The following PPP3CC variants were observed in gnomAD, a reference collection of about 807,000 sequenced individuals.
PPP3CC encodes the protein protein phosphatase 3 catalytic subunit gamma.
PPP3CC carries 35 observed loss-of-function variants against 60.3 expected under a neutral mutation model. The observed-to-expected ratio is 0.58, with a 90% CI of 0.44 to 0.77. The LOEUF is 0.77. Ranked by LOEUF, PPP3CC falls within the 30% of genes least tolerant of loss-of-function variation. PPP3CC has a pLI of 0.00. For synonymous variants in PPP3CC, 206 were observed against 224.3 expected, an observed-to-expected ratio of 0.92 and a Z score of 0.73; for missense variants, 570 against 628.9, an observed-to-expected ratio of 0.91 and a Z score of 1.00.
At chr8:22,446,165 A>T (rs1267046812) in intron 1 of PPP3CC, among the ~76,000 whole-genome samples, 7 of 152,310 alleles carry the variant, frequency 4.6e-5, no homozygotes, top group African/African-American at 1.7e-4. Flanking sequence ...ATAAATGTAC[A>T]GCTTAGTGAG....
intron 6 of PPP3CC, among the ~76,000 whole-genome samples, chr8:22,521,676 G>A (rs1839408378): frequency 6.6e-6 from 1 of 152,060 alleles, no homozygotes; most frequent in Non-Finnish European, 1.5e-5. Context: ...TTGTTCTAAT[G>A]AGCATAATGA....
chr8:22,523,024 G>A (rs890885912), intron 8 of PPP3CC, among the ~76,000 whole-genome samples: 1 of 152,106 alleles, frequency 6.6e-6, no homozygotes, highest in Non-Finnish European at 1.5e-5. Context: ...AGAATAAATT[G>A]CTTCAGGCTC....
intron 3 of PPP3CC, among the ~76,000 whole-genome samples, chr8:22,477,473 C>G (rs1245000934): frequency 7.3e-6 from 1 of 136,312 alleles, no homozygotes; most frequent in Non-Finnish European, 1.6e-5. Context: ...GACTCTGTCT[C>G]AAAAAAAAAA....
chr8:22,481,545 C>CT (rs869259358), intron 3 of PPP3CC, among the ~76,000 whole-genome samples: 200 of 136,394 alleles, frequency 1.5e-3, no homozygotes, highest in Middle Eastern at 3.6e-3. Context: ...GTTTTGTGTT[C>CT]TTTTTTTTTT....
At chr8:22,533,619 G>C (rs1336990188) in intron 12 of PPP3CC, among the ~76,000 whole-genome samples, 1 of 151,956 alleles carries the variant, frequency 6.6e-6, no homozygotes, top group Non-Finnish European at 1.5e-5. Context: ...GAGGTCAGGA[G>C]TTCGAGACCA....
intron 10 of PPP3CC, among the ~76,000 whole-genome samples, chr8:22,530,813 AGAGC>A (rs1475199589): frequency 7.2e-6 from 1 of 138,322 alleles, no homozygotes; most frequent in Non-Finnish European, 1.5e-5. Flanking sequence ...GCCTGGCGAC[AGAGC>A]GAGACTCATC....
At chr8:22,487,264 TAAAAC>T (rs943817604) in intron 3 of PPP3CC, among the ~76,000 whole-genome samples, 12 of 152,340 alleles carry the variant, frequency 7.9e-5, no homozygotes, top group East Asian at 1.9e-4. Flanking sequence ...CTGCCGCTGA[TAAAAC>T]AAAATAGTAA....
chr8:22,508,610 G>T (rs370412565), intron 4 of PPP3CC, among the ~76,000 whole-genome samples: 2 of 152,252 alleles, frequency 1.3e-5, no homozygotes, highest in South Asian at 4.1e-4. Context: ...TCATTCTTGG[G>T]ATTGAAAGGC....
At chr8:22,483,590 A>G (rs1263932092) in intron 3 of PPP3CC, among the ~76,000 whole-genome samples, 2 of 152,050 alleles carry the variant, frequency 1.3e-5, no homozygotes, top group East Asian at 1.9e-4. Context: ...CCAGTCCCAT[A>G]TGTCATTTTA....
chr8:22,451,267 C>G lies in PPP3CC; in HGVS notation c.49+9809C>G, dbSNP rs532701861. 6.6e-5 allele frequency among the ~76,000 whole-genome samples: 10 copies of G among 152,238 alleles called. No homozygotes were observed. In the South Asian group the frequency reaches 1.7e-3, roughly 25 times the overall value. On this transcript the variant is annotated intron_variant, in intron 1 of 13. Coordinates refer to ENST00000240139, the MANE Select transcript of PPP3CC (RefSeq NM_005605.5). ...TCTCCTGCCCCAGCCTCCCGAGTAG[C>G]TGGGATTACAGGTGCATGCCACCAC...
chr8:22,507,775 A>C (rs76529940), intron 4 of PPP3CC, among the ~76,000 whole-genome samples: 4,792 of 152,266 alleles, frequency 0.031, 245 homozygotes, highest in African/African-American at 0.11. Context: ...ATAGATAAGG[A>C]AACCAAGGCA....
intron 8 of PPP3CC, among the ~76,000 whole-genome samples, chr8:22,525,466 TTTC>T (rs1157573919): frequency 2.0e-5 from 3 of 151,398 alleles, no homozygotes; most frequent in African/African-American, 7.3e-5. Flanking sequence ...CTTTCTTTTC[TTTC>T]TTTTTCTTTC....
intron 3 of PPP3CC, among the ~76,000 whole-genome samples, chr8:22,493,740 C>T (rs560843559): frequency 1.1e-3 from 164 of 152,268 alleles, no homozygotes; most frequent in African/African-American, 3.8e-3. Flanking sequence ...TGCTAGAATC[C>T]CTCCTGAAGG....
At chr8:22,499,484 C>G (rs1838701058) in intron 4 of PPP3CC, among the ~76,000 whole-genome samples, 1 of 152,030 alleles carries the variant, frequency 6.6e-6, no homozygotes, top group African/African-American at 2.4e-5. Context: ...CAAAACATTA[C>G]TAGCTGATTT....
chr8:22,462,489 T>G (rs1837390138), intron 1 of PPP3CC, among the ~76,000 whole-genome samples: 1 of 152,214 alleles, frequency 6.6e-6, no homozygotes, highest in South Asian at 2.1e-4. Context: ...TGTCGTTTGA[T>G]GGGTTGTGAA....
At position 22,513,391 on chromosome 8, in the gene PPP3CC, C is replaced by T; in HGVS notation, c.729C>T (p.His243=). ...EDYGNEKTLE[H]YTHNTVRGCS... is the part of the protein sequence containing the mutation. ...ATGGCAATGAGAAGACCTTGGAGCA[C>T]TATACCCACAACACTGTCCGAGGGT... is the stretch of plus-strand genomic sequence containing the variant. Residue 243 remains histidine (H), a synonymous_variant, in exon 6 of 14, where the codon CAC becomes CAT. Coordinates refer to ENST00000240139, the MANE Select transcript of PPP3CC (RefSeq NM_005605.5). 6.2e-7 allele frequency: 1 copy of T among 1,613,922 alleles called. No individual in the cohort carries two copies. Among genetic ancestry groups the T allele is most frequent in the Non-Finnish European group, 8.5e-7 (1 of 1,179,916 alleles).
intron 1 of PPP3CC, among the ~76,000 whole-genome samples, chr8:22,469,567 A>G (rs1222090202): frequency 6.6e-6 from 1 of 150,874 alleles, no homozygotes; most frequent in Non-Finnish European, 1.5e-5. Flanking sequence ...AAAAGAGGGA[A>G]AAAAAAAAGC....
rs1487402558 is a variant in PPP3CC, at chr8:22,475,488, T to C, written c.248-12T>C. On this transcript the variant is annotated splice_polypyrimidine_tract_variant and intron_variant, in intron 2 of 13. Transcript: ENST00000240139. ...TATAATTTCTCACATCACTTTATGC[T>C]TTTTTTCCTAGTATGTGGTGATATT... is the stretch of plus-strand genomic sequence containing the variant. The C allele has an allele frequency of 6.3e-7, 1 of 1,599,412 alleles. No homozygotes were observed. Among genetic ancestry groups the C allele is most frequent in the East Asian group, 2.2e-5 (1 of 44,612 alleles).
chr8:22,491,316 A>G (rs1025963346), intron 3 of PPP3CC, among the ~76,000 whole-genome samples: 6 of 152,250 alleles, frequency 3.9e-5, no homozygotes, highest in East Asian at 3.9e-4. Context: ...AAGAATTCCT[A>G]TTTCCTCACA....
Sources: gnomAD v4.1 joint callset for allele counts (sites outside exome capture counted in the v4.1 genomes callset) on GRCh38, gnomAD v4.1.1 for gene constraint, MANE v1.5 for transcripts, NCBI Gene and HGNC (gene_info 2026-07-23, HGNC 2026-07-21) for gene names.